SH3GL2: variants seen among roughly 807,000 people sequenced by gnomAD.
SH3GL2 encodes the protein SH3 domain containing GRB2 like 2, endophilin A1, also known as endophilin-A1.
Under a neutral mutation model 46.0 loss-of-function variants are expected in SH3GL2, and 24 were observed. That is an observed-to-expected ratio of 0.52 (90% CI 0.38 to 0.73). The LOEUF (loss-of-function observed/expected upper bound fraction) is 0.73, where lower values mean the gene tolerates loss of function less well. SH3GL2 is among the 30% of genes least tolerant of loss of function. The pLI is 0.00. For synonymous variants in SH3GL2, 196 were observed against 147.1 expected, an observed-to-expected ratio of 1.33 and a Z score of -2.40; for missense variants, 413 against 424.2, an observed-to-expected ratio of 0.97 and a Z score of 0.23.
chr9:17,686,906 A>G (rs948886397), intron 1 of SH3GL2, among the ~76,000 whole-genome samples: 2 of 147,774 alleles, frequency 1.4e-5, no homozygotes, highest in Non-Finnish European at 3.0e-5. Flanking sequence ...AACCTGCACA[A>G]TGTGCACATG....
chr9:17,788,966 C>A (rs1192660926), intron 5 of SH3GL2, among the ~76,000 whole-genome samples: 1 of 152,212 alleles, frequency 6.6e-6, no homozygotes, highest in East Asian at 1.9e-4. Flanking sequence ...CACTTAATTT[C>A]AAGGAAAGAG....
chr9:17,694,930 T>C (rs1349075653), intron 1 of SH3GL2, among the ~76,000 whole-genome samples: 1 of 149,098 alleles, frequency 6.7e-6, no homozygotes, highest in Admixed American at 6.7e-5. Context: ...ACTTAGGTGA[T>C]ACCTTGCACA....
At chr9:17,621,556 TATAATC>T (rs1588179848) in intron 1 of SH3GL2, among the ~76,000 whole-genome samples, 1 of 152,332 alleles carries the variant, frequency 6.6e-6, no homozygotes, top group East Asian at 1.9e-4. Context: ...GTTTTACAGA[TATAATC>T]AGATAAGAGA....
At chr9:17,739,067 C>G (rs1052549893) in intron 1 of SH3GL2, among the ~76,000 whole-genome samples, 1 of 152,114 alleles carries the variant, frequency 6.6e-6, no homozygotes, top group African/African-American at 2.4e-5. Context: ...CTTCTGATTA[C>G]CCAGGTCCAC....
At chr9:17,624,878 T>C (rs1484632821) in intron 1 of SH3GL2, among the ~76,000 whole-genome samples, 1 of 152,232 alleles carries the variant, frequency 6.6e-6, no homozygotes, top group Non-Finnish European at 1.5e-5. Context: ...TTGGGAACTA[T>C]CCATTTCTTG....
chr9:17,791,414 A>G, intron 7 of SH3GL2, 80 bp downstream of exon 7: 1 of 1,013,186 alleles, frequency 9.9e-7, no homozygotes, highest in Non-Finnish European at 1.6e-6. Context: ...ATCATAGAAT[A>G]CATTTGGAGA....
chr9:17,662,365 T>G (rs935341925), intron 1 of SH3GL2, among the ~76,000 whole-genome samples: 2 of 152,176 alleles, frequency 1.3e-5, no homozygotes, highest in Non-Finnish European at 2.9e-5. Context: ...AGTGAGAGAA[T>G]AGCCAGCTTC....
chr9:17,751,752 G>C (rs1439999156), intron 2 of SH3GL2, among the ~76,000 whole-genome samples: 1 of 152,106 alleles, frequency 6.6e-6, no homozygotes, highest in African/African-American at 2.4e-5. Flanking sequence ...TAGAGTTTCA[G>C]CTGGAATGCT....
At chr9:17,766,956 A>G (rs1014866650) in intron 3 of SH3GL2, among the ~76,000 whole-genome samples, 3 of 152,200 alleles carry the variant, frequency 2.0e-5, no homozygotes, top group Non-Finnish European at 2.9e-5. Flanking sequence ...AAAAATTCTG[A>G]AAGTCTGTTT....
chr9:17,707,416 TTA>T lies in SH3GL2; in HGVS notation c.46-39648_46-39647del, dbSNP rs1313812193. Reference sequence around the variant, plus strand: ...TCTCTCTAGGGCTGTCCATTATCTTTTATGTGTTTGAAAGCTGTGCAATCAAA... The same window carrying T: ...TCTCTCTAGGGCTGTCCATTATCTTTTGTGTTTGAAAGCTGTGCAATCAAA... On this transcript the variant is annotated intron_variant, in intron 1 of 8. Coordinates refer to ENST00000380607, the MANE Select transcript of SH3GL2 (RefSeq NM_003026.5). Among the ~76,000 whole-genome samples the T allele has an allele frequency of 2.6e-5, 4 of 152,174 alleles. No individual in the cohort carries two copies. The East Asian group carries it at 7.8e-4, about 30-fold the overall frequency.
intron 1 of SH3GL2, among the ~76,000 whole-genome samples, chr9:17,644,021 G>A: frequency 6.6e-6 from 1 of 152,144 alleles, no homozygotes; most frequent in East Asian, 1.9e-4. Context: ...ACTTGTTATT[G>A]GTCTGTTCAG....
At chr9:17,599,363 G>C (rs942298098) in intron 1 of SH3GL2, among the ~76,000 whole-genome samples, 1 of 152,138 alleles carries the variant, frequency 6.6e-6, no homozygotes, top group Non-Finnish European at 1.5e-5. Context: ...AAGATTTGCA[G>C]CATACAAATA....
chr9:17,582,050 T>G (rs1396989177), intron 1 of SH3GL2, among the ~76,000 whole-genome samples: 1 of 152,234 alleles, frequency 6.6e-6, no homozygotes, highest in East Asian at 1.9e-4. Context: ...TGAGCTTTTT[T>G]GCTTGTGTTA....
At chr9:17,668,882 T>C (rs10810819) in intron 1 of SH3GL2, among the ~76,000 whole-genome samples, 42,024 of 152,008 alleles carry the variant, frequency 0.28, 7,010 homozygotes, top group East Asian at 0.53. Context: ...GGTCTCAAAC[T>C]CCTGGGCTCA....
intron 1 of SH3GL2, among the ~76,000 whole-genome samples, chr9:17,581,224 T>C (rs2134530829): frequency 6.7e-6 from 1 of 149,270 alleles, no homozygotes; most frequent in Non-Finnish European, 1.5e-5. Context: ...TTCCGCTAAA[T>C]CTTGAAGTTC....
At chr9:17,732,265 A>G (rs191936086) in intron 1 of SH3GL2, among the ~76,000 whole-genome samples, 2 of 152,116 alleles carry the variant, frequency 1.3e-5, no homozygotes, top group African/African-American at 2.4e-5. Flanking sequence ...TTTTGCCCTC[A>G]AGGTTTGCCA....
chr9:17,678,481 TG>T (rs1820675471), intron 1 of SH3GL2, among the ~76,000 whole-genome samples: 1 of 152,208 alleles, frequency 6.6e-6, no homozygotes, highest in Non-Finnish European at 1.5e-5. Context: ...TTGATGGGGT[TG>T]TTTTTTTCTT....
chr9:17,727,699 T>C (rs1030024535), intron 1 of SH3GL2, among the ~76,000 whole-genome samples: 1 of 152,186 alleles, frequency 6.6e-6, no homozygotes, highest in Non-Finnish European at 1.5e-5. Flanking sequence ...TATCTTCCTC[T>C]TCAACCAAGG....
chr9:17,732,856 G>T (rs1014798640), intron 1 of SH3GL2, among the ~76,000 whole-genome samples: 5 of 152,102 alleles, frequency 3.3e-5, no homozygotes, highest in African/African-American at 1.2e-4. Flanking sequence ...GCACACTGAA[G>T]TTGCATATTG....
Sources: gnomAD v4.1 joint callset for allele counts (sites outside exome capture counted in the v4.1 genomes callset) on GRCh38, gnomAD v4.1.1 for gene constraint, MANE v1.5 for transcripts, NCBI Gene and HGNC (gene_info 2026-07-23, HGNC 2026-07-21) for gene names.